Variants in ZEB1 observed in about 807,000 individuals in gnomAD.
ZEB1 encodes zinc finger E-box-binding homeobox 1.
Under a neutral mutation model 84.9 loss-of-function variants are expected in ZEB1, and 21 were observed. The ratio of observed to expected loss-of-function variants is 0.25; its 90% CI spans 0.18 to 0.36. The LOEUF (loss-of-function observed/expected upper bound fraction) is 0.36, where lower values mean the gene tolerates loss of function less well. Among genes scored for constraint, ZEB1 ranks in the 10% least tolerant of loss-of-function variants. The probability of loss-of-function intolerance (pLI) is 1.00; values close to 1 mark genes in which losing one functional copy is unlikely to be tolerated. For synonymous variants in ZEB1, 420 were observed against 471.1 expected (o/e 0.89, Z 1.41); for missense variants, 1,104 against 1,330.2 (o/e 0.83, Z 2.65).
At chr10:31,468,388 G>A (rs1387031868) in intron 2 of ZEB1, among the ~76,000 whole-genome samples, 2 of 152,158 alleles carry the variant, frequency 1.3e-5, no homozygotes, top group African/African-American at 2.4e-5. Context: ...GGTCAAAACT[G>A]CATGTCCTGT....
At chr10:31,377,655 T>A (rs1478567716) in intron 1 of ZEB1, among the ~76,000 whole-genome samples, 2 of 151,838 alleles carry the variant, frequency 1.3e-5, no homozygotes, top group Non-Finnish European at 3.0e-5. Context: ...AATTATCTAG[T>A]GTTTCTGCAT....
intron 1 of ZEB1, among the ~76,000 whole-genome samples, chr10:31,456,647 A>G (rs1298766865): frequency 2.0e-5 from 3 of 152,126 alleles, no homozygotes; most frequent in Admixed American, 2.0e-4. Context: ...GAATCTAGCC[A>G]ACCTGGCTTT....
At chr10:31,332,763 G>A (rs955101090) in intron 1 of ZEB1, among the ~76,000 whole-genome samples, 4 of 151,952 alleles carry the variant, frequency 2.6e-5, no homozygotes, top group African/African-American at 7.2e-5. Context: ...AACCTCTTAA[G>A]TTTAATAATT....
rs2067162002 is a variant in ZEB1, at chr10:31,495,933, T to G, written c.322+95T>G. The G allele has an allele frequency of 1.7e-5, 22 of 1,326,250 alleles. No homozygotes were observed. The South Asian group carries it at 2.5e-4, about 15-fold the overall frequency. 82.2% of individuals were successfully genotyped at this position (1,326,250 alleles called of 1,614,324 possible). On this transcript the variant is annotated intron_variant, in intron 3 of 8. Transcript: ENST00000424869. ...TTGTGAGTCCTGAATTTAGTCCGTT[T>G]CCTTCTCTTTTATCTTACCTTCCTT...
chr10:31,461,293 T>G (rs541197124), intron 2 of ZEB1, 56 bp downstream of exon 2: 1 of 1,493,142 alleles, frequency 6.7e-7, no homozygotes, highest in East Asian at 2.5e-5. Flanking sequence ...TTTTAAAATA[T>G]ATATTAACTG....
chr10:31,461,953 A>G (rs1265017436), intron 2 of ZEB1, among the ~76,000 whole-genome samples: 2 of 152,186 alleles, frequency 1.3e-5, no homozygotes, highest in Non-Finnish European at 2.9e-5. Flanking sequence ...AAAATGGGAT[A>G]TGGAAGTGGC....
At chr10:31,503,444 G>A (rs774066542) in intron 4 of ZEB1, among the ~76,000 whole-genome samples, 7 of 151,810 alleles carry the variant, frequency 4.6e-5, no homozygotes, top group East Asian at 1.9e-4. Context: ...GTATTCATTC[G>A]TGTGTATATG....
chr10:31,476,558 TAC>T (rs1258449604), intron 2 of ZEB1, among the ~76,000 whole-genome samples: 1 of 152,018 alleles, frequency 6.6e-6, no homozygotes, highest in Non-Finnish European at 1.5e-5. Context: ...GTACCAGTCT[TAC>T]AGAAACTATT....
At chr10:31,457,272 G>A (rs1211420529) in intron 1 of ZEB1, among the ~76,000 whole-genome samples, 1 of 152,120 alleles carries the variant, frequency 6.6e-6, no homozygotes, top group African/African-American at 2.4e-5. Context: ...TCAAGGGCCT[G>A]CATTACTCTG....
intron 1 of ZEB1, among the ~76,000 whole-genome samples, chr10:31,365,818 T>G (rs2044357097): frequency 6.6e-6 from 1 of 152,224 alleles, no homozygotes; most frequent in South Asian, 2.1e-4. Flanking sequence ...CAGGCCAAAT[T>G]TGTGAACATT....
intron 7 of ZEB1, 106 bp from the exon 8 acceptor site, chr10:31,523,827 G>A (rs2072868860): frequency 1.5e-6 from 2 of 1,319,992 alleles, no homozygotes; most frequent in Non-Finnish European, 1.1e-6. Flanking sequence ...GTCCTTGAAA[G>A]TATAAAAGTA....
At chr10:31,319,145 AGGGGGGAGGGGTGGAGGCGGAGGGGTG>A, upstream of ZEB1, 3 of 296,338 alleles carry the variant, frequency 1.0e-5, no homozygotes, top group Non-Finnish European at 1.1e-5. Flanking sequence ...TGCGGTGGGG[AGGGGGGAGGGGTGGAGGCGGAGGGGTG>A]GGGGGGAAGG....
chr10:31,464,331 C>T lies in ZEB1; in HGVS notation c.259+3094C>T, dbSNP rs149483652. Among the ~76,000 whole-genome samples the T allele has an allele frequency of 3.1e-3, 473 of 150,870 alleles. 2 individuals carry two copies. The highest frequency in any genetic ancestry group is 0.011 in the African/African-American group (459 of 41,020). Reference sequence around the variant, plus strand: ...TGATGCCACTGCACTCCAGCCTGGGCGACAGAGTAAGACTCTATCTCAGAA... The same window carrying T: ...TGATGCCACTGCACTCCAGCCTGGGTGACAGAGTAAGACTCTATCTCAGAA... On this transcript the variant is annotated intron_variant, in intron 2 of 8. Transcript: ENST00000424869.
intron 4 of ZEB1, among the ~76,000 whole-genome samples, chr10:31,505,434 A>T (rs1045816374): frequency 6.6e-6 from 1 of 151,936 alleles, no homozygotes; most frequent in South Asian, 2.1e-4. Flanking sequence ...TGAAATATTC[A>T]TTATGGATTC....
chr10:31,391,276 T>TGTGTGA (rs773736630), intron 1 of ZEB1, among the ~76,000 whole-genome samples: 4 of 126,414 alleles, frequency 3.2e-5, no homozygotes, highest in African/African-American at 1.2e-4. Context: ...TGTGTGTGTG[T>TGTGTGA]GAGATCCAAT....
At chr10:31,489,809 CTTCTTT>C (rs2066263600) in intron 2 of ZEB1, among the ~76,000 whole-genome samples, 1 of 151,268 alleles carries the variant, frequency 6.6e-6, no homozygotes, top group African/African-American at 2.4e-5. Flanking sequence ...CATTTCTCTT[CTTCTTT>C]TATTCCCGAC....
At chr10:31,448,830 G>T (rs2060143401) in intron 1 of ZEB1, among the ~76,000 whole-genome samples, 1 of 152,098 alleles carries the variant, frequency 6.6e-6, no homozygotes, top group African/African-American at 2.4e-5. Flanking sequence ...GTCAGACAGG[G>T]ACATTTAAGT....
chr10:31,376,820 TTAATAATTACAA>T (rs1371445474), intron 1 of ZEB1, among the ~76,000 whole-genome samples: 1 of 151,730 alleles, frequency 6.6e-6, no homozygotes, highest in African/African-American at 2.4e-5. Context: ...GTTGTTTTAG[TTAATAATTACAA>T]TAATAATTTC....
Position 31,378,886 on chromosome 10 carries a change from GT to G in ZEB1, c.58+59595del, listed in dbSNP as rs2047152102. ...GTAGATACACAAGGGATATAAGAAA[GT>G]CTTTCTAGTTCAAATGTATTTCTGC... On this transcript the variant is annotated intron_variant, in intron 1 of 8. Coordinates refer to ENST00000424869, the MANE Select transcript of ZEB1 (RefSeq NM_001174096.2). 2.6e-5 allele frequency among the ~76,000 whole-genome samples: 4 copies of G among 152,008 alleles called. No homozygotes were observed. In the South Asian group the frequency reaches 8.3e-4, roughly 32 times the overall value.
Sources: gnomAD v4.1 joint callset for allele counts (sites outside exome capture counted in the v4.1 genomes callset) on GRCh38, gnomAD v4.1.1 for gene constraint, MANE v1.5 for transcripts, NCBI Gene and HGNC (gene_info 2026-07-23, HGNC 2026-07-21) for gene names.